RAPGEF6: variants seen among roughly 807,000 people sequenced by gnomAD.
The protein encoded by RAPGEF6 is PDZ domain containing guanine nucleotide exchange factor (GEF) 2.
A neutral mutation model predicts 171.4 loss-of-function variants in RAPGEF6; 56 were observed. The observed-to-expected ratio is 0.33, with a 90% CI of 0.26 to 0.41. The LOEUF (loss-of-function observed/expected upper bound fraction) is 0.41, where lower values mean the gene tolerates loss of function less well. Among genes scored for constraint, RAPGEF6 ranks in the 10% least tolerant of loss-of-function variants. The pLI is 1.00. For synonymous variants in RAPGEF6, 692 were observed against 650.1 expected, an observed-to-expected ratio of 1.06 and a Z score of -0.98; for missense variants, 1,674 against 1,921.4, an observed-to-expected ratio of 0.87 and a Z score of 2.41.
intron 6 of RAPGEF6, among the ~76,000 whole-genome samples, chr5:131,539,629 G>T (rs1057070572): frequency 2.0e-5 from 3 of 152,072 alleles, no homozygotes; most frequent in Non-Finnish European, 4.4e-5. Context: ...TACCTTAAGA[G>T]GTCACACCCA....
intron 4 of RAPGEF6, among the ~76,000 whole-genome samples, chr5:131,585,381 A>C (rs1472643224): frequency 6.6e-6 from 1 of 152,090 alleles, no homozygotes; most frequent in African/African-American, 2.4e-5. Context: ...TGAGCCTCCC[A>C]AATCACTAAG....
intron 2 of RAPGEF6, 26 bp from the exon 3 acceptor site, chr5:131,603,353 T>A: frequency 7.1e-7 from 1 of 1,398,848 alleles, no homozygotes; most frequent in Non-Finnish European, 9.8e-7. Context: ...ATTGAAGATT[T>A]TATCTTACAT....
intron 7 of RAPGEF6, among the ~76,000 whole-genome samples, chr5:131,517,295 G>A (rs1758155296): frequency 1.3e-5 from 2 of 151,650 alleles, no homozygotes; most frequent in East Asian, 3.9e-4. Flanking sequence ...TTAAAAATTG[G>A]GGAGACATCC....
At chr5:131,468,406 T>G (rs1283137270) in intron 17 of RAPGEF6, among the ~76,000 whole-genome samples, 1 of 151,332 alleles carries the variant, frequency 6.6e-6, no homozygotes, top group Non-Finnish European at 1.5e-5. Flanking sequence ...ATGTAATAGG[T>G]AAATAAATTA....
intron 4 of RAPGEF6, among the ~76,000 whole-genome samples, chr5:131,579,341 T>C (rs917072243): frequency 1.3e-5 from 2 of 152,168 alleles, no homozygotes; most frequent in Admixed American, 6.5e-5. Flanking sequence ...GTTTCCACAG[T>C]GTGGAAGGGG....
chr5:131,479,462 C>T (rs776477950), intron 16 of RAPGEF6, 51 bp downstream of exon 16: 1 of 1,590,898 alleles, frequency 6.3e-7, no homozygotes, highest in South Asian at 1.1e-5. Flanking sequence ...CAAATAAAAA[C>T]TTTACAGTGA....
intron 7 of RAPGEF6, 82 bp downstream of exon 7, chr5:131,521,308 G>C: frequency 7.4e-7 from 1 of 1,355,966 alleles, no homozygotes; most frequent in Non-Finnish European, 9.9e-7. Context: ...TAAAAGATAT[G>C]TTAACCATCT....
Position 131,425,941 on chromosome 5 carries a change from C to A in RAPGEF6, c.*1325G>T. ...CAGAAGTTTATTAAAATTTCACTTG[C>A]TTTTACATTAAAAAAACTGAAAAAA... On this transcript the variant is annotated 3_prime_UTR_variant, in exon 28 of 28. Coordinates refer to ENST00000509018, the MANE Select transcript of RAPGEF6 (RefSeq NM_016340.6). The A allele has an allele frequency of 8.9e-6, 1 of 111,804 alleles. No homozygotes were observed. Among genetic ancestry groups the A allele is most frequent in the Non-Finnish European group, 1.7e-5 (1 of 57,674 alleles). 6.9% of individuals were successfully genotyped at this position (111,804 alleles called of 1,614,324 possible).
intron 5 of RAPGEF6, among the ~76,000 whole-genome samples, chr5:131,548,907 GA>G (rs199621274): frequency 0.012 from 1,899 of 152,024 alleles, 32 homozygotes; most frequent in African/African-American, 0.043. Context: ...TCTACAGGGG[GA>G]AAAAAATAAG....
intron 15 of RAPGEF6, among the ~76,000 whole-genome samples, chr5:131,483,331 A>C (rs962848791): frequency 1.4e-5 from 2 of 143,982 alleles, no homozygotes; most frequent in Admixed American, 7.0e-5. Context: ...CCTGGGCAAC[A>C]GAGTAAGACT....
intron 6 of RAPGEF6, among the ~76,000 whole-genome samples, chr5:131,532,777 C>G (rs1759481947): frequency 6.6e-6 from 1 of 152,114 alleles, no homozygotes; most frequent in African/African-American, 2.4e-5. Flanking sequence ...ATTATTTTCT[C>G]TATTCACATG....
At chr5:131,523,009 G>T (rs1441461873) in intron 6 of RAPGEF6, among the ~76,000 whole-genome samples, 1 of 152,108 alleles carries the variant, frequency 6.6e-6, no homozygotes, top group Non-Finnish European at 1.5e-5. Flanking sequence ...GTCATCCTAG[G>T]TCTCAATTAA....
intron 1 of RAPGEF6, among the ~76,000 whole-genome samples, chr5:131,605,053 T>C (rs145512115): frequency 6.6e-6 from 1 of 152,222 alleles, no homozygotes; most frequent in East Asian, 1.9e-4. Context: ...GGCTGACATC[T>C]CTAGAGATGA....
chr5:131,510,540 T>C, intron 7 of RAPGEF6, 49 bp from the exon 8 acceptor site: 3 of 1,559,778 alleles, frequency 1.9e-6, no homozygotes, highest in Non-Finnish European at 2.6e-6. Context: ...AAAAATATTA[T>C]AAGTCACAGT....
chr5:131,494,399 T>G (rs144543111), intron 13 of RAPGEF6, among the ~76,000 whole-genome samples: 1 of 152,344 alleles, frequency 6.6e-6, no homozygotes, highest in African/African-American at 2.4e-5. Flanking sequence ...TTAGGTGCTG[T>G]ACATTTAGAA....
chr5:131,602,354 T>C lies in RAPGEF6; in HGVS notation c.197+917A>G, dbSNP rs144661615. On this transcript the variant is annotated intron_variant, in intron 3 of 27. Transcript: ENST00000509018. Reference sequence around the variant, plus strand: ...TAGTCCATCACTGACTGAAACAACGTTATGTGGCACATGACCATAATTTTA... The same window carrying C: ...TAGTCCATCACTGACTGAAACAACGCTATGTGGCACATGACCATAATTTTA... Among the ~76,000 whole-genome samples, 228 of 152,318 alleles carry C rather than the reference T, an allele frequency of 1.5e-3. 1 individual carries two copies. The highest frequency in any genetic ancestry group is 5.3e-3 in the African/African-American group (219 of 41,554).
chr5:131,613,267 G>A (rs1278268337), intron 1 of RAPGEF6, among the ~76,000 whole-genome samples: 2 of 152,150 alleles, frequency 1.3e-5, no homozygotes, highest in African/African-American at 2.4e-5. Context: ...AGAATTAGCC[G>A]GGCATGGTGG....
chr5:131,614,937 T>C (rs1025848780), intron 1 of RAPGEF6, among the ~76,000 whole-genome samples: 1 of 152,210 alleles, frequency 6.6e-6, no homozygotes, highest in Non-Finnish European at 1.5e-5. Context: ...ATGTAAGTAA[T>C]AACCCTGTGA....
chr5:131,484,822 T>C (rs1018217557), intron 15 of RAPGEF6, among the ~76,000 whole-genome samples: 3 of 152,196 alleles, frequency 2.0e-5, no homozygotes, highest in Non-Finnish European at 4.4e-5. Context: ...CACAGAATAT[T>C]GTACACAGTA....
Sources: allele counts gnomAD v4.1 joint callset (sites outside exome capture counted in the v4.1 genomes callset), GRCh38; gene constraint gnomAD v4.1.1; transcripts MANE v1.5; gene names NCBI Gene and HGNC (gene_info 2026-07-23, HGNC 2026-07-21).